CDKAL1: variants seen among roughly 807,000 people sequenced by gnomAD.
CDKAL1 encodes the protein CDKAL1 threonylcarbamoyladenosine tRNA methylthiotransferase, also known as threonylcarbamoyladenosine tRNA methylthiotransferase.
Under a neutral mutation model 68.2 loss-of-function variants are expected in CDKAL1, and 32 were observed. The observed-to-expected ratio is 0.47, with a 90% CI of 0.35 to 0.63. The LOEUF (loss-of-function observed/expected upper bound fraction) is 0.63. Ranked by LOEUF, CDKAL1 falls within the 30% of genes least tolerant of loss-of-function variation. The pLI is 0.00. For missense variants in CDKAL1, 606 were observed against 696.7 expected (o/e 0.87, Z 1.47); for synonymous variants, 234 against 244.3 (o/e 0.96, Z 0.39).
intron 11 of CDKAL1, among the ~76,000 whole-genome samples, chr6:21,031,253 C>A (rs1769271516): frequency 6.6e-6 from 1 of 151,746 alleles, no homozygotes; most frequent in Admixed American, 6.6e-5. Context: ...CCCATGTGAC[C>A]CCCACAGATC....
chr6:20,820,060 C>G (rs1777213874), intron 8 of CDKAL1, among the ~76,000 whole-genome samples: 1 of 152,214 alleles, frequency 6.6e-6, no homozygotes, highest in South Asian at 2.1e-4. Flanking sequence ...TGTAACCTAC[C>G]AAGGGGGCCA....
chr6:20,838,802 G>A (rs929064191), intron 8 of CDKAL1, among the ~76,000 whole-genome samples: 4 of 151,898 alleles, frequency 2.6e-5, no homozygotes, highest in Non-Finnish European at 5.9e-5. Context: ...GTGAAACCCC[G>A]TCTCTATTAA....
At chr6:20,537,110 G>A (rs564347339) in intron 2 of CDKAL1, among the ~76,000 whole-genome samples, 1 of 152,166 alleles carries the variant, frequency 6.6e-6, no homozygotes, top group African/African-American at 2.4e-5. Flanking sequence ...CGTGATCTCG[G>A]CTCACTGCAA....
At chr6:21,079,976 C>CTCTGTGTGTGTGTGTG (rs1554171489) in intron 12 of CDKAL1, among the ~76,000 whole-genome samples, 14 of 135,838 alleles carry the variant, frequency 1.0e-4, no homozygotes, top group South Asian at 7.7e-4. Flanking sequence ...AACTTTGTCT[C>CTCTGTGTGTGTGTGTG]TGTGTGTGTG....
At chr6:20,727,948 G>T (rs1772729314) in intron 5 of CDKAL1, among the ~76,000 whole-genome samples, 1 of 152,052 alleles carries the variant, frequency 6.6e-6, no homozygotes, top group African/African-American at 2.4e-5. Flanking sequence ...TTTCAAGGCA[G>T]TTTTATAGTG....
chr6:20,547,490 A>G (rs1763653125), intron 3 of CDKAL1, among the ~76,000 whole-genome samples: 1 of 152,180 alleles, frequency 6.6e-6, no homozygotes, highest in Non-Finnish European at 1.5e-5. Context: ...TTACGCTATT[A>G]TAGTAGATCT....
At chr6:20,785,601 A>G (rs990807744) in intron 8 of CDKAL1, among the ~76,000 whole-genome samples, 26 of 152,014 alleles carry the variant, frequency 1.7e-4, no homozygotes, top group Admixed American at 2.0e-4. Flanking sequence ...GTGAGCCACT[A>G]TGCCCAGCCA....
chr6:20,608,388 A>G (rs991401765), intron 4 of CDKAL1, among the ~76,000 whole-genome samples: 1 of 152,212 alleles, frequency 6.6e-6, no homozygotes, highest in African/African-American at 2.4e-5. Flanking sequence ...GTTTCTTTCC[A>G]GTTCTAAGTG....
At chr6:20,998,415 C>T (rs1182720643) in intron 10 of CDKAL1, among the ~76,000 whole-genome samples, 1 of 152,046 alleles carries the variant, frequency 6.6e-6, no homozygotes, top group Non-Finnish European at 1.5e-5. Flanking sequence ...AGTTCAAGAC[C>T]AGCCTGACCA....
chr6:20,822,623 C>T (rs184469812), intron 8 of CDKAL1, among the ~76,000 whole-genome samples: 3 of 152,196 alleles, frequency 2.0e-5, no homozygotes, highest in African/African-American at 4.8e-5. Context: ...CCATGTGTCA[C>T]GGGAGAGTCC....
At chr6:20,601,900 G>A (rs1393593940) in intron 4 of CDKAL1, among the ~76,000 whole-genome samples, 1 of 152,106 alleles carries the variant, frequency 6.6e-6, no homozygotes, top group Non-Finnish European at 1.5e-5. Flanking sequence ...TATACATACA[G>A]TAGTTGTTAT....
chr6:20,892,475 T>G (rs757196268), intron 9 of CDKAL1, among the ~76,000 whole-genome samples: 1 of 152,200 alleles, frequency 6.6e-6, no homozygotes, highest in Non-Finnish European at 1.5e-5. Context: ...TCTGAGATTT[T>G]GCCTCAAAAT....
chr6:21,037,889 A>G (rs554730638), intron 11 of CDKAL1, among the ~76,000 whole-genome samples: 3 of 152,348 alleles, frequency 2.0e-5, no homozygotes, highest in Admixed American at 6.5e-5. Flanking sequence ...TCAGATCTCA[A>G]TAAATATTAT....
intron 4 of CDKAL1, among the ~76,000 whole-genome samples, chr6:20,637,819 T>C: frequency 6.6e-6 from 1 of 152,140 alleles, no homozygotes; most frequent in African/African-American, 2.4e-5. Flanking sequence ...TACCAGCAAA[T>C]GTGATTATAT....
intron 9 of CDKAL1, among the ~76,000 whole-genome samples, chr6:20,882,097 G>A (rs1014933813): frequency 1.3e-5 from 2 of 152,140 alleles, no homozygotes; most frequent in African/African-American, 4.8e-5. Flanking sequence ...AATATTTTAA[G>A]CTGAAGGAAT....
chr6:20,552,330 G>C (rs1333254487), intron 4 of CDKAL1, among the ~76,000 whole-genome samples: 1 of 151,658 alleles, frequency 6.6e-6, no homozygotes, highest in African/African-American at 2.4e-5. Context: ...CTGGGCAACA[G>C]AGTGAGATCC....
At chr6:20,871,561 G>C (rs2150543356) in intron 9 of CDKAL1, among the ~76,000 whole-genome samples, 1 of 152,056 alleles carries the variant, frequency 6.6e-6, no homozygotes, top group Admixed American at 6.6e-5. Flanking sequence ...TCTTAATGAA[G>C]ATATAAACAA....
chr6:20,558,921 G>A (rs766804962), intron 4 of CDKAL1: 2 of 249,558 alleles, frequency 8.0e-6, no homozygotes, highest in Admixed American at 1.0e-4. Flanking sequence ...GAGCCACCGT[G>A]GCTGGCCCTT....
chr6:20,603,897 C>T (rs1766219486), intron 4 of CDKAL1, among the ~76,000 whole-genome samples: 1 of 150,780 alleles, frequency 6.6e-6, no homozygotes, highest in Admixed American at 6.6e-5. Flanking sequence ...CAGCCTCAGC[C>T]TCCCAGATAG....
Sources: allele counts gnomAD v4.1 joint callset (sites outside exome capture counted in the v4.1 genomes callset), GRCh38; gene constraint gnomAD v4.1.1; transcripts MANE v1.5; gene names NCBI Gene and HGNC (gene_info 2026-07-23, HGNC 2026-07-21).